The following ACTL10 variants were observed in gnomAD, a reference collection of about 807,000 sequenced individuals.
The protein encoded by ACTL10 is actin-like protein 10.
For missense variants in ACTL10, 413 were observed against 359.4 expected (o/e 1.15, Z -1.21); for synonymous variants, 180 against 169.9 (o/e 1.06, Z -0.46).
Position 33,668,161 on chromosome 20 carries a change from T to C in ACTL10, c.664T>C (p.Phe222Leu). 2 of 1,612,574 alleles carry C rather than the reference T, an allele frequency of 1.2e-6. No homozygotes were observed. The highest frequency in any genetic ancestry group is 1.7e-6 in the Non-Finnish European group (2 of 1,179,614). ...GGSMVASLHS[F>L]QRRWITRAMY... ...CTCCATGGTGGCCTCCCTGCACTCC[T>C]TCCAGCGCCGCTGGATAACTCGGGC... Residue 222 changes from phenylalanine (F) to leucine (L), a missense_variant, in exon 1 of 1, where the codon TTC becomes CTC. Phe to Leu is a conservative substitution (Grantham distance 22). Coordinates refer to ENST00000677665, the MANE Select transcript of ACTL10 (RefSeq NM_001024675.2).
chr20:33,667,719 C>A lies in ACTL10; in HGVS notation c.222C>A (p.Arg74=). The change falls in exon 1 of 1, where the codon CGC becomes CGA. Residue 74 remains arginine (R), a synonymous_variant. Transcript: ENST00000677665. ...NPDLLQQALP[R]KAITHLKKRS... ...ACCTCTTGCAGCAGGCCCTGCCCCGCAAGGCCATCACACATCTCAAGAAGC... is the reference window on the plus strand; with the variant it reads ...ACCTCTTGCAGCAGGCCCTGCCCCGAAAGGCCATCACACATCTCAAGAAGC... 1 of 1,612,274 alleles carries A rather than the reference C, an allele frequency of 6.2e-7. No individual in the cohort carries two copies. The highest frequency in any genetic ancestry group is 8.5e-7 in the Non-Finnish European group (1 of 1,179,918).
Position 33,667,961 on chromosome 20 carries a change from T to G in ACTL10, c.464T>G (p.Leu155Arg). ...GCGCTGCAGAAGATGCCCAAAACGC[T>G]GCGGACACGCCTGGCAGACACCGTG... is the stretch of plus-strand genomic sequence containing the variant. ...FRALQKMPKT[L>R]RTRLADTVVL... Residue 155 changes from leucine to arginine, a missense_variant, in exon 1 of 1, where the codon CTG becomes CGG. By Grantham distance (102) the Leu-to-Arg change is moderately radical. Transcript: ENST00000677665. The G allele has an allele frequency of 6.4e-7, 1 of 1,551,338 alleles. No homozygotes were observed. Among genetic ancestry groups the G allele is most frequent in the Non-Finnish European group, 8.7e-7 (1 of 1,147,810 alleles).
rs2017686631 is a variant in ACTL10 at position 33,667,294 on chromosome 20, G to C, written c.-204G>C. 3 of 586,500 alleles carry C rather than the reference G, an allele frequency of 5.1e-6. No individual in the cohort carries two copies. Among genetic ancestry groups the C allele is most frequent in the Middle Eastern group, 4.8e-4 (1 of 2,064 alleles). The allele number at this position is 586,500 out of a possible 1,614,324, so 36.3% of individuals were successfully genotyped here. A position where few individuals can be genotyped will look rare whatever the true frequency, so the allele number is the denominator to read the frequency against. On this transcript the variant is annotated 5_prime_UTR_variant, in exon 1 of 1. Transcript: ENST00000677665. ...GGGCTGCGAGCTGGCGGGCGGCGTGGCGCGGGCGCACCCCATCAAGCACGG... is the reference window on the plus strand; with the variant it reads ...GGGCTGCGAGCTGGCGGGCGGCGTGCCGCGGGCGCACCCCATCAAGCACGG...
rs2017720916 is a variant in ACTL10, at chr20:33,667,801, CATCCGGCCAGTTTCAG to C, written c.305_320del (p.His102ProfsTer59). On this transcript the variant is annotated frameshift_variant, in exon 1 of 1. Transcript: ENST00000677665. LOFTEE classifies it low-confidence loss of function (END_TRUNC). ...CGACCTCCGCGACCCCGCCCGCCAC[CATCCGGCCAGTTTCAG>C]CGTGGGTAACGGGTGCTGCGTCTGC... 3 of 1,612,534 alleles carry C rather than the reference CATCCGGCCAGTTTCAG, an allele frequency of 1.9e-6. No individual in the cohort carries two copies. The Admixed American group carries it at 5.0e-5, about 27-fold the overall frequency.
chr20:33,668,258 G>T lies in ACTL10; in HGVS notation c.*23G>T, dbSNP rs201924890. The stretch of plus-strand genomic sequence containing the variant: ...TGAGTCAGGCTGGACTGGGGGGGGT[G>T]GCACTGCGTTGGGGGACAGCTCTCT... On this transcript the variant is annotated 3_prime_UTR_variant, in exon 1 of 1. Transcript: ENST00000677665. 26 of 1,556,262 alleles carry T rather than the reference G, an allele frequency of 1.7e-5. No individual in the cohort carries two copies. In the African/African-American group the frequency reaches 3.3e-4, roughly 20 times the overall value.
At position 33,668,245 on chromosome 20, in the gene ACTL10, G is replaced by A; in HGVS notation, c.*10G>A. The A allele has an allele frequency of 1.9e-6, 3 of 1,568,534 alleles. No homozygotes were observed. The highest frequency in any genetic ancestry group is 2.6e-6 in the Non-Finnish European group (3 of 1,154,550). On this transcript the variant is annotated 3_prime_UTR_variant, in exon 1 of 1. Transcript: ENST00000677665. The stretch of plus-strand genomic sequence containing the variant: ...CGATGTGTTCAACTGAGTCAGGCTG[G>A]ACTGGGGGGGGTGGCACTGCGTTGG...
In ACTL10 at chr20:33,668,051, C is replaced by T. The variant is rs765671968; in HGVS notation, c.554C>T (p.Ala185Val). ...FAERLDKELEAQCRRHGYAAL... is the reference protein window; with the variant it reads ...FAERLDKELEVQCRRHGYAAL... The stretch of plus-strand genomic sequence containing the variant: ...GAGCGCCTGGACAAGGAGCTGGAGG[C>T]GCAGTGCCGGCGGCACGGCTACGCG... The change falls in exon 1 of 1, where the codon GCG becomes GTG. Residue 185 changes from alanine to valine, a missense_variant. By Grantham distance (64) the Ala-to-Val change is moderately conservative. Coordinates refer to ENST00000677665, the MANE Select transcript of ACTL10 (RefSeq NM_001024675.2). 8.5e-5 allele frequency: 133 copies of T among 1,558,374 alleles called. No homozygotes were observed. The highest frequency in any genetic ancestry group is 1.1e-4 in the Non-Finnish European group (123 of 1,151,760).
chr20:33,667,773 G>C lies in ACTL10; in HGVS notation c.276G>C (p.Glu92Asp), dbSNP rs1466731919. The change falls in exon 1 of 1, where the codon GAG (glutamate) becomes GAC (aspartate). Residue 92 changes from glutamate to aspartate, a missense_variant. Glu to Asp is a conservative substitution (Grantham distance 45). Transcript: ENST00000677665. ...GCTGCTACGTGTCCCTGGACTTCGA[G>C]GGCGACCTCCGCGACCCCGCCCGCC... ...KRSCYVSLDF[E>D]GDLRDPARHH... 1 of 1,612,466 alleles carries C rather than the reference G, an allele frequency of 6.2e-7. No individual in the cohort carries two copies. Among genetic ancestry groups the C allele is most frequent in the Non-Finnish European group, 8.5e-7 (1 of 1,179,916 alleles).
Position 33,667,920 on chromosome 20 carries a change from C to A in ACTL10, c.423C>A (p.Pro141=). Residue 141 remains proline, a synonymous_variant, in exon 1 of 1, where the codon CCC becomes CCA. Coordinates refer to ENST00000677665, the MANE Select transcript of ACTL10 (RefSeq NM_001024675.2). The part of the protein sequence containing the change: ...GLLGQAEQGL[P]ALAFRALQKM... Reference sequence around the variant, plus strand: ...TGGGCCAGGCTGAGCAGGGGCTGCCCGCGCTGGCCTTCCGGGCGCTGCAGA... The same window carrying A: ...TGGGCCAGGCTGAGCAGGGGCTGCCAGCGCTGGCCTTCCGGGCGCTGCAGA... The A allele has an allele frequency of 6.4e-7, 1 of 1,566,546 alleles. No individual in the cohort carries two copies. Among genetic ancestry groups the A allele is most frequent in the East Asian group, 2.4e-5 (1 of 41,806 alleles).
chr20:33,668,471 C>G lies in ACTL10; in HGVS notation c.*236C>G. ...AGAGAATGCCAGTCCAGCTGCCTAC[C>G]CACAGGGCCCTACTTTATGGCAATA... On this transcript the variant is annotated 3_prime_UTR_variant, in exon 1 of 1. Transcript: ENST00000677665. 2 of 495,896 alleles carry G rather than the reference C, an allele frequency of 4.0e-6. No individual in the cohort carries two copies. Among genetic ancestry groups the G allele is most frequent in the Admixed American group, 7.6e-5 (2 of 26,348 alleles). The allele number at this position is 495,896 out of a possible 1,614,324, so 30.7% of individuals were successfully genotyped here. A position where few individuals can be genotyped will look rare whatever the true frequency, so the allele number is the denominator to read the frequency against.
Position 33,667,774 on chromosome 20 carries a change from GGCGACCTCC to G in ACTL10, c.284_292del (p.Leu95_Asp97del). On this transcript the variant is annotated inframe_deletion, in exon 1 of 1. Transcript: ENST00000677665. ...CTGCTACGTGTCCCTGGACTTCGAGGGCGACCTCCGCGACCCCGCCCGCCACCATCCGGC... is the reference window on the plus strand; with the variant it reads ...CTGCTACGTGTCCCTGGACTTCGAGGGCGACCCCGCCCGCCACCATCCGGC... 2 of 1,612,574 alleles carry G rather than the reference GGCGACCTCC, an allele frequency of 1.2e-6. No homozygotes were observed. The highest frequency in any genetic ancestry group is 1.7e-6 in the Non-Finnish European group (2 of 1,179,912).
At position 33,667,345 on chromosome 20, in the gene ACTL10, G is replaced by T; in HGVS notation, c.-153G>T. The T allele has an allele frequency of 2.0e-6, 2 of 1,014,812 alleles. No individual in the cohort carries two copies. The highest frequency in any genetic ancestry group is 2.6e-6 in the Non-Finnish European group (2 of 769,730). The allele number at this position is 1,014,812 out of a possible 1,614,324, so 62.9% of individuals were successfully genotyped here. On this transcript the variant is annotated 5_prime_UTR_variant, in exon 1 of 1. Coordinates refer to ENST00000677665, the MANE Select transcript of ACTL10 (RefSeq NM_001024675.2). ...CGTGGTGGCGGACTGGGAGGCGCTGGAAGGGCTGTGGGAGCGCCTGCTGGT... is the reference window on the plus strand; with the variant it reads ...CGTGGTGGCGGACTGGGAGGCGCTGTAAGGGCTGTGGGAGCGCCTGCTGGT...
At position 33,668,390 on chromosome 20, in the gene ACTL10, C is replaced by A. The variant is rs2017748210; in HGVS notation, c.*155C>A. 1 of 1,032,498 alleles carries A rather than the reference C, an allele frequency of 9.7e-7. No homozygotes were observed. The highest frequency in any genetic ancestry group is 1.3e-6 in the Non-Finnish European group (1 of 751,580). 64.0% of individuals were successfully genotyped at this position (1,032,498 alleles called of 1,614,324 possible). On this transcript the variant is annotated 3_prime_UTR_variant, in exon 1 of 1. Transcript: ENST00000677665. ...CTGGGCCAGGAGAAGGTATTTGGGA[C>A]CCATGGGACCCTCATTTTGAACTGC...
chr20:33,668,403 C>G lies in ACTL10; in HGVS notation c.*168C>G. On this transcript the variant is annotated 3_prime_UTR_variant, in exon 1 of 1. Transcript: ENST00000677665. ...AGGTATTTGGGACCCATGGGACCCT[C>G]ATTTTGAACTGCAGTTTGAATCTCC... 1 of 902,930 alleles carries G rather than the reference C, an allele frequency of 1.1e-6. No homozygotes were observed. The highest frequency in any genetic ancestry group is 3.4e-5 in the Admixed American group (1 of 29,158). 55.9% of individuals were successfully genotyped at this position (902,930 alleles called of 1,614,324 possible).
Position 33,667,439 on chromosome 20 carries a change from C to T in ACTL10, c.-59C>T, listed in dbSNP as rs1601167938. ...AGCGACTCGCCGTTGGCGCCGCCCGCGGGCCGCGAAAGGGTGGCGGAGCTG... is the reference window on the plus strand; with the variant it reads ...AGCGACTCGCCGTTGGCGCCGCCCGTGGGCCGCGAAAGGGTGGCGGAGCTG... On this transcript the variant is annotated 5_prime_UTR_variant, in exon 1 of 1. Transcript: ENST00000677665. 3 of 1,413,368 alleles carry T rather than the reference C, an allele frequency of 2.1e-6. No individual in the cohort carries two copies. The highest frequency in any genetic ancestry group is 5.5e-5 in the East Asian group (2 of 36,590). 87.6% of individuals were successfully genotyped at this position (1,413,368 alleles called of 1,614,324 possible). A position where few individuals can be genotyped will look rare whatever the true frequency, so the allele number is the denominator to read the frequency against.
At position 33,667,908 on chromosome 20, in the gene ACTL10, G is replaced by C. The variant is rs376923517; in HGVS notation, c.411G>C (p.Glu137Asp). Residue 137 changes from glutamate (E) to aspartate (D), a missense_variant, in exon 1 of 1, where the codon GAG becomes GAC. Coordinates refer to ENST00000677665, the MANE Select transcript of ACTL10 (RefSeq NM_001024675.2). ...AGCCGGGCCTGCTGGGCCAGGCTGA[G>C]CAGGGGCTGCCCGCGCTGGCCTTCC... ...IFQPGLLGQA[E>D]QGLPALAFRA... 58 of 1,574,708 alleles carry C rather than the reference G, an allele frequency of 3.7e-5. No individual in the cohort carries two copies. The highest frequency in any genetic ancestry group is 2.6e-5 in the Non-Finnish European group (30 of 1,160,934).
Position 33,667,258 on chromosome 20 carries a change from C to T in ACTL10, c.-240C>T. ...GCCCAGCTGGGACCGGCCGGTGCTG[C>T]CCGGAGCGCCGGGCTGCGAGCTGGC... On this transcript the variant is annotated 5_prime_UTR_variant, in exon 1 of 1. Coordinates refer to ENST00000677665, the MANE Select transcript of ACTL10 (RefSeq NM_001024675.2). The T allele has an allele frequency of 4.6e-6, 2 of 438,160 alleles. No homozygotes were observed. The highest frequency in any genetic ancestry group is 6.7e-5 in the South Asian group (1 of 14,968). The allele number at this position is 438,160 out of a possible 1,614,324, so 27.1% of individuals were successfully genotyped here.
Position 33,667,925 on chromosome 20 carries a change from T to TGGCCTTCCG in ACTL10, c.432_440dup (p.Phe145_Ala147dup). The stretch of plus-strand genomic sequence containing the variant: ...CAGGCTGAGCAGGGGCTGCCCGCGC[T>TGGCCTTCCG]GGCCTTCCGGGCGCTGCAGAAGATG... On this transcript the variant is annotated inframe_insertion, in exon 1 of 1. Coordinates refer to ENST00000677665, the MANE Select transcript of ACTL10 (RefSeq NM_001024675.2). 1 of 1,563,138 alleles carries TGGCCTTCCG rather than the reference T, an allele frequency of 6.4e-7. No homozygotes were observed. Among genetic ancestry groups the TGGCCTTCCG allele is most frequent in the Non-Finnish European group, 8.7e-7 (1 of 1,154,468 alleles).
Position 33,667,486 on chromosome 20 carries a change from C to T in ACTL10, c.-12C>T. 1.4e-6 allele frequency: 2 copies of T among 1,473,382 alleles called. No homozygotes were observed. The highest frequency in any genetic ancestry group is 1.8e-6 in the Non-Finnish European group (2 of 1,115,764). 91.3% of individuals were successfully genotyped at this position (1,473,382 alleles called of 1,614,324 possible). On this transcript the variant is annotated 5_prime_UTR_variant, in exon 1 of 1. Transcript: ENST00000677665. ...GCTGCTGTTCGAGACCCTGGCAGTGCCCGCGTGCCACATGGCTAGCACCGC... is the reference window on the plus strand; with the variant it reads ...GCTGCTGTTCGAGACCCTGGCAGTGTCCGCGTGCCACATGGCTAGCACCGC...
Sources: allele counts gnomAD v4.1 joint callset, GRCh38; gene constraint gnomAD v4.1.1; transcripts MANE v1.5; gene names NCBI Gene and HGNC (gene_info 2026-07-23, HGNC 2026-07-21).